The following SMYD3 variants were observed in gnomAD, a reference collection of about 807,000 sequenced individuals.
SMYD3 encodes the protein SET and MYND domain containing 3, also known as histone-lysine N-methyltransferase SMYD3.
Under a neutral mutation model 57.7 loss-of-function variants are expected in SMYD3, and 36 were observed. The observed-to-expected ratio is 0.62, with a 90% CI of 0.48 to 0.82. The LOEUF (loss-of-function observed/expected upper bound fraction) is 0.82. Among genes scored for constraint, SMYD3 ranks in the 40% least tolerant of loss-of-function variants. The pLI is 0.00. For synonymous variants in SMYD3, 211 were observed against 195.0 expected, an observed-to-expected ratio of 1.08 and a Z score of -0.68; for missense variants, 515 against 538.8, an observed-to-expected ratio of 0.96 and a Z score of 0.44.
At chr1:246,015,797 T>C (rs138876957) in intron 5 of SMYD3, among the ~76,000 whole-genome samples, 139 of 152,336 alleles carry the variant, frequency 9.1e-4, no homozygotes, top group Admixed American at 3.4e-3. Flanking sequence ...CCATTTTATA[T>C]GTGGCACACA....
At chr1:246,145,325 G>A (rs972397695) in intron 5 of SMYD3, among the ~76,000 whole-genome samples, 1 of 152,182 alleles carries the variant, frequency 6.6e-6, no homozygotes, top group Non-Finnish European at 1.5e-5. Context: ...TGTATGTAGT[G>A]TCAGCAGCGA....
chr1:246,387,822 A>T (rs975813908), intron 1 of SMYD3, among the ~76,000 whole-genome samples: 2 of 152,234 alleles, frequency 1.3e-5, no homozygotes, highest in African/African-American at 4.8e-5. Context: ...AGACCAAAGC[A>T]GAGAACAAAT....
intron 5 of SMYD3, among the ~76,000 whole-genome samples, chr1:246,008,048 A>C (rs1177386810): frequency 6.6e-6 from 1 of 152,244 alleles, no homozygotes; most frequent in Non-Finnish European, 1.5e-5. Context: ...AGTGATGCCA[A>C]AGAAAGACTA....
chr1:245,788,972 G>C (rs2047158353), intron 10 of SMYD3: 1 of 152,208 alleles, frequency 6.6e-6, no homozygotes. Context: ...CCAGGAGGAG[G>C]TTTGGACTAG....
intron 5 of SMYD3, among the ~76,000 whole-genome samples, chr1:246,282,349 A>G (rs1172727720): frequency 3.6e-5 from 5 of 140,750 alleles, no homozygotes; most frequent in Non-Finnish European, 6.1e-5. Flanking sequence ...AAGCAAAAAA[A>G]TTAGCTGGGG....
intron 5 of SMYD3, among the ~76,000 whole-genome samples, chr1:246,162,003 A>G (rs548367310): frequency 3.3e-5 from 5 of 152,340 alleles, no homozygotes; most frequent in African/African-American, 1.2e-4. Context: ...GGAACAGAAG[A>G]GGACAGCGTG....
chr1:246,276,198 C>T (rs12759612), intron 5 of SMYD3, among the ~76,000 whole-genome samples: 2 of 121,760 alleles, frequency 1.6e-5, no homozygotes, highest in Non-Finnish European at 1.7e-5. Flanking sequence ...TTTTACTAAC[C>T]GTATTAACAC....
rs148337035 is a variant in SMYD3 at position 246,406,394 on chromosome 1, G to C, written c.165-51300C>G. On this transcript the variant is annotated intron_variant, in intron 1 of 11. Transcript: ENST00000490107. ...GGAAGGAGAAGAAAAGCATGAGGCT[G>C]AATTTTTGAATTTTGCCCATTAAAA... 3.2e-3 allele frequency among the ~76,000 whole-genome samples: 488 copies of C among 152,278 alleles called. 3 individuals are homozygous for C. Among genetic ancestry groups the C allele is most frequent in the Middle Eastern group, 0.01 (3 of 294 alleles).
intron 10 of SMYD3, among the ~76,000 whole-genome samples, chr1:245,855,168 T>C (rs9662938): frequency 0.9 from 137,579 of 152,142 alleles, 63,240 homozygotes; most frequent in Non-Finnish European, 0.99. Flanking sequence ...AACGGGCGAA[T>C]GTCCTGAAAG....
intron 5 of SMYD3, among the ~76,000 whole-genome samples, chr1:246,039,220 T>C (rs1211184780): frequency 2.0e-5 from 3 of 152,234 alleles, no homozygotes; most frequent in Non-Finnish European, 4.4e-5. Context: ...ACAAAAATTA[T>C]CCTGGCAATT....
chr1:246,327,112 C>G, intron 5 of SMYD3, 89 bp downstream of exon 5: 1 of 1,532,816 alleles, frequency 6.5e-7, no homozygotes, highest in Admixed American at 1.7e-5. Context: ...AATTTCCTGT[C>G]AAGATTCTCG....
chr1:245,816,181 G>T (rs980931199), intron 10 of SMYD3, among the ~76,000 whole-genome samples: 2 of 152,164 alleles, frequency 1.3e-5, no homozygotes, highest in African/African-American at 2.4e-5. Flanking sequence ...AATATCCCAA[G>T]AAATCAAGAA....
At chr1:246,266,267 G>C (rs966886948) in intron 5 of SMYD3, among the ~76,000 whole-genome samples, 1 of 152,036 alleles carries the variant, frequency 6.6e-6, no homozygotes, top group Admixed American at 6.6e-5. Context: ...GGAATGTCAT[G>C]CCCTGTCCAT....
At position 246,501,591 on chromosome 1, in the gene SMYD3, C is replaced by T. The variant is rs116252685; in HGVS notation, c.164+5463G>A. Among the ~76,000 whole-genome samples, 259 of 152,290 alleles carry T rather than the reference C, an allele frequency of 1.7e-3. 1 individual carries two copies. Among genetic ancestry groups the T allele is most frequent in the African/African-American group, 5.8e-3 (241 of 41,572 alleles). On this transcript the variant is annotated intron_variant, in intron 1 of 11. Coordinates refer to ENST00000490107, the MANE Select transcript of SMYD3 (RefSeq NM_001167740.2). The stretch of plus-strand genomic sequence containing the variant: ...TCGGCCACATTTCACTGGCCATCAC[C>T]TTCCTTACGACCTCATTCCCTACCT...
In SMYD3 at chr1:246,149,038, C is replaced by T. The variant is rs796610443; in HGVS notation, c.531+178163G>A. ...AATGCAGTTAGAGACAAGGAGTAGACGCCTCATTTGAGAATCATTTCTCGA... is the reference window on the plus strand; with the variant it reads ...AATGCAGTTAGAGACAAGGAGTAGATGCCTCATTTGAGAATCATTTCTCGA... On this transcript the variant is annotated intron_variant, in intron 5 of 11. Transcript: ENST00000490107. Among the ~76,000 whole-genome samples the T allele has an allele frequency of 3.9e-4, 60 of 152,264 alleles. 1 individual carries two copies. The highest frequency in any genetic ancestry group is 1.1e-3 in the Admixed American group (17 of 15,296).
rs138480079 is a variant in SMYD3, at chr1:246,009,240, T to C, written c.532-79303A>G. Among the ~76,000 whole-genome samples, 252 of 152,312 alleles carry C rather than the reference T, an allele frequency of 1.7e-3. 2 individuals carry two copies. The highest frequency in any genetic ancestry group is 3.1e-3 in the Admixed American group (48 of 15,296). ...CAGACTGTAGGAGCGAAGTCAGCAA[T>C]ACAGGTTGGAATTCATGTATTGGGG... is the stretch of plus-strand genomic sequence containing the variant. On this transcript the variant is annotated intron_variant, in intron 5 of 11. Transcript: ENST00000490107.
At chr1:245,968,536 T>G (rs1189545078) in intron 5 of SMYD3, among the ~76,000 whole-genome samples, 1 of 152,302 alleles carries the variant, frequency 6.6e-6, no homozygotes. Context: ...TGAAGGAAAT[T>G]CAGTGTACGA....
intron 5 of SMYD3, among the ~76,000 whole-genome samples, chr1:246,296,960 T>A (rs2064806488): frequency 6.6e-6 from 1 of 152,048 alleles, no homozygotes; most frequent in Non-Finnish European, 1.5e-5. Context: ...AATCGATGAA[T>A]ACAATAAAGG....
intron 5 of SMYD3, among the ~76,000 whole-genome samples, chr1:246,292,692 C>T (rs536180149): frequency 6.6e-6 from 1 of 152,276 alleles, no homozygotes; most frequent in South Asian, 2.1e-4. Context: ...TGACACATTA[C>T]AAGCTTCCCT....
Sources: allele counts gnomAD v4.1 joint callset (sites outside exome capture counted in the v4.1 genomes callset), GRCh38; gene constraint gnomAD v4.1.1; transcripts MANE v1.5; gene names NCBI Gene and HGNC (gene_info 2026-07-23, HGNC 2026-07-21).